Variants in ITSN2 observed in about 807,000 individuals in gnomAD.
ITSN2 encodes intersectin-2.
A neutral mutation model predicts 243.7 loss-of-function variants in ITSN2; 156 were observed. That is an observed-to-expected ratio of 0.64 (90% CI 0.56 to 0.73). The LOEUF (loss-of-function observed/expected upper bound fraction) is 0.73, where lower values mean the gene tolerates loss of function less well. Among genes scored for constraint, ITSN2 ranks in the 30% least tolerant of loss-of-function variants. ITSN2 has a pLI of 0.00. For synonymous variants in ITSN2, 703 were observed against 699.9 expected (o/e 1.00, Z -0.07); for missense variants, 1,801 against 1,996.1 (o/e 0.90, Z 1.86).
At chr2:24,349,863 A>C (rs894691458) in intron 1 of ITSN2, among the ~76,000 whole-genome samples, 4 of 152,244 alleles carry the variant, frequency 2.6e-5, no homozygotes, top group African/African-American at 9.6e-5. Flanking sequence ...TAATTCTACA[A>C]TTGTATTAAT....
chr2:24,218,156 A>C (rs1364218165), intron 30 of ITSN2, 143 bp from the exon 31 acceptor site: 2 of 613,298 alleles, frequency 3.3e-6, no homozygotes, highest in Non-Finnish European at 5.8e-6. Flanking sequence ...CATCCAAATA[A>C]GCATACTTAT....
chr2:24,310,734 A>C, intron 5 of ITSN2, 42 bp from the exon 6 acceptor site: 1 of 1,552,430 alleles, frequency 6.4e-7, no homozygotes, highest in Non-Finnish European at 8.8e-7. Flanking sequence ...CTAGAAAATC[A>C]ATTATAAAAC....
In ITSN2 at chr2:24,211,471, G is replaced by A. The variant is rs1669488497; in HGVS notation, c.4090-524C>T. On this transcript the variant is annotated intron_variant, in intron 33 of 39. Transcript: ENST00000355123. This position sits in a 1 kb window ranked among gnomAD's most constrained non-coding sequence, Gnocchi z 4.1. ...GGAAGAAATGCATTCTGTTCATTCT[G>A]AAGCGATTTCAAACGACGCATGCTG... 6.6e-6 allele frequency among the ~76,000 whole-genome samples: 1 copy of A among 152,208 alleles called. No individual in the cohort carries two copies. The highest frequency in any genetic ancestry group is 2.4e-5 in the African/African-American group (1 of 41,444).
At chr2:24,361,020 C>T (rs139333791), upstream of ITSN2, among the ~76,000 whole-genome samples, 168 of 152,312 alleles carry the variant, frequency 1.1e-3, no homozygotes, top group Admixed American at 3.6e-3. Flanking sequence ...CCCACCCTTG[C>T]CCATGGGTCT....
chr2:24,230,673 C>A (rs576394232), intron 29 of ITSN2, among the ~76,000 whole-genome samples: 12 of 152,188 alleles, frequency 7.9e-5, no homozygotes, highest in Non-Finnish European at 1.6e-4. Flanking sequence ...GAGGCCGAGG[C>A]TGGAGAATTG....
chr2:24,313,535 A>G lies in ITSN2; in HGVS notation c.125-12T>C. ...ACGTGCTTGATCACCTGGAGGTAAT[A>G]AAAACAAAACCCAAGCAGCACATTA... On this transcript the variant is annotated splice_polypyrimidine_tract_variant and intron_variant, in intron 3 of 39. Coordinates refer to ENST00000355123, the MANE Select transcript of ITSN2 (RefSeq NM_006277.3). 6.2e-7 allele frequency: 1 copy of G among 1,609,542 alleles called. No individual in the cohort carries two copies. The highest frequency in any genetic ancestry group is 1.7e-4 in the Middle Eastern group (1 of 6,004).
At chr2:24,220,434 T>C in intron 30 of ITSN2, 1 of 986,782 alleles carries the variant, frequency 1.0e-6, no homozygotes, top group Non-Finnish European at 1.2e-6. Flanking sequence ...AAACAGTAGC[T>C]ATATGATATT....
At chr2:24,232,423 T>C (rs1671718311) in intron 29 of ITSN2, among the ~76,000 whole-genome samples, 1 of 152,156 alleles carries the variant, frequency 6.6e-6, no homozygotes, top group Admixed American at 6.5e-5. Flanking sequence ...CTCCTAATGA[T>C]AGACAAAAGC....
At chr2:24,263,834 T>A (rs537547235) in intron 20 of ITSN2, among the ~76,000 whole-genome samples, 2 of 152,228 alleles carry the variant, frequency 1.3e-5, no homozygotes, top group Non-Finnish European at 2.9e-5. Context: ...TTTTTCTAGT[T>A]TTTGGCTATT....
chr2:24,227,060 G>A (rs892192971), intron 29 of ITSN2, among the ~76,000 whole-genome samples: 1 of 152,014 alleles, frequency 6.6e-6, no homozygotes, highest in African/African-American at 2.4e-5. Flanking sequence ...AGGCTGCAGT[G>A]AGCTGAGATC....
intron 24 of ITSN2, among the ~76,000 whole-genome samples, chr2:24,252,876 G>C (rs185133102): frequency 3.9e-5 from 6 of 152,178 alleles, no homozygotes; most frequent in African/African-American, 1.4e-4. Flanking sequence ...GTCAAGATAG[G>C]AAAATATATT....
chr2:24,292,583 T>C (rs1680399840), intron 15 of ITSN2, among the ~76,000 whole-genome samples: 1 of 152,242 alleles, frequency 6.6e-6, no homozygotes, highest in Non-Finnish European at 1.5e-5. Flanking sequence ...GGCCCTGCAC[T>C]AGCCCAACAA....
At chr2:24,295,959 G>C (rs1232987453) in intron 13 of ITSN2, among the ~76,000 whole-genome samples, 155 bp from the exon 14 acceptor site, 1 of 152,184 alleles carries the variant, frequency 6.6e-6, no homozygotes, top group Non-Finnish European at 1.5e-5. Context: ...ATGTGTTTCA[G>C]AGTTGTGTCT....
At chr2:24,258,484 C>T (rs561208881) in intron 22 of ITSN2, among the ~76,000 whole-genome samples, 1 of 152,324 alleles carries the variant, frequency 6.6e-6, no homozygotes, top group African/African-American at 2.4e-5. Flanking sequence ...AGGAAATTGG[C>T]ATGCTTGGCT....
Position 24,308,616 on chromosome 2 carries a change from C to A in ITSN2, c.793+1G>T. On this transcript the variant is annotated splice_donor_variant, in intron 8 of 39. Transcript: ENST00000355123. LOFTEE classifies it high-confidence loss of function. ...GCTCTTCAGCACTGTATGCTGCTTA[C>A]CTGAGAGATATCCACTCATACTTTT... The A allele has an allele frequency of 6.7e-7, 1 of 1,491,020 alleles. No individual in the cohort carries two copies. Among genetic ancestry groups the A allele is most frequent in the Non-Finnish European group, 9.0e-7 (1 of 1,115,736 alleles). The allele number at this position is 1,491,020 out of a possible 1,614,324, so 92.4% of individuals were successfully genotyped here.
At position 24,301,191 on chromosome 2, in the gene ITSN2, C is replaced by A. The variant is rs1316828044; in HGVS notation, c.1044G>T (p.Gln348His). The A allele has an allele frequency of 1.2e-6, 2 of 1,608,404 alleles. No individual in the cohort carries two copies. The highest frequency in any genetic ancestry group is 1.7e-6 in the Non-Finnish European group (2 of 1,176,656). The change falls in exon 11 of 40, where the codon CAG becomes CAT. Residue 348 changes from glutamine (Q) to histidine (H), a missense_variant. Physicochemically the swap from Gln to His is conservative, Grantham distance 24. Transcript: ENST00000355123. ...TCTGAGGCTCCTCTTCTTGCATTTT[C>A]TGATATGAAGGCAGAGTTCCATTAA... Reference protein sequence around the residue: ...DSINGTLPSYQKMQEEEPQKK... With the variant: ...DSINGTLPSYHKMQEEEPQKK...
intron 35 of ITSN2, 78 bp downstream of exon 35, chr2:24,209,740 G>T: frequency 8.7e-7 from 1 of 1,147,982 alleles, no homozygotes. Flanking sequence ...GCCAGCTCAG[G>T]GTCTGCCAGG....
chr2:24,206,822 C>T (rs1668940865), intron 37 of ITSN2, among the ~76,000 whole-genome samples: 1 of 152,132 alleles, frequency 6.6e-6, no homozygotes, highest in Non-Finnish European at 1.5e-5. Flanking sequence ...ATCGCAGCCT[C>T]AGGACAGCGG....
chr2:24,332,420 A>T (rs1371600488), intron 1 of ITSN2, among the ~76,000 whole-genome samples: 1 of 152,174 alleles, frequency 6.6e-6, no homozygotes, highest in African/African-American at 2.4e-5. Flanking sequence ...CTGAAATAAA[A>T]CCTGAGAATG....
Sources: allele counts gnomAD v4.1 joint callset (sites outside exome capture counted in the v4.1 genomes callset), GRCh38; gene constraint gnomAD v4.1.1; non-coding constraint Gnocchi (gnomAD v3.1); transcripts MANE v1.5; gene names NCBI Gene and HGNC (gene_info 2026-07-23, HGNC 2026-07-21).